LARP1: variants seen among roughly 807,000 people sequenced by gnomAD.
The protein encoded by LARP1 is La ribonucleoprotein 1, translational regulator, also known as la-related protein 1.
A neutral mutation model predicts 122.7 loss-of-function variants in LARP1; 36 were observed. That is an observed-to-expected ratio of 0.29 (90% CI 0.22 to 0.39). The LOEUF (loss-of-function observed/expected upper bound fraction) is 0.39. Ranked by LOEUF, LARP1 falls within the 10% of genes least tolerant of loss-of-function variation. The pLI is 1.00. For synonymous variants in LARP1, 539 were observed against 528.7 expected (o/e 1.02, Z -0.27); for missense variants, 1,040 against 1,403.6 (o/e 0.74, Z 4.14).
rs749838824 is a variant in LARP1, at chr5:154,814,614, A to C, written c.*518A>C. On this transcript the variant is annotated 3_prime_UTR_variant, in exon 19 of 19. Transcript: ENST00000518297. ...CCCCAGGAGCATCAGCCCCTTGATCATCTGGGGTTTGTCATCACCATATTT... is the reference window on the plus strand; with the variant it reads ...CCCCAGGAGCATCAGCCCCTTGATCCTCTGGGGTTTGTCATCACCATATTT... The C allele has an allele frequency of 6.6e-6, 1 of 152,586 alleles. No individual in the cohort carries two copies. The highest frequency in any genetic ancestry group is 2.1e-4 in the South Asian group (1 of 4,816). 9.5% of individuals were successfully genotyped at this position (152,586 alleles called of 1,614,324 possible). A position where few individuals can be genotyped will look rare whatever the true frequency, so the allele number is the denominator to read the frequency against.
At chr5:154,766,449 TA>T (rs1329184430) in intron 1 of LARP1, among the ~76,000 whole-genome samples, 1 of 152,230 alleles carries the variant, frequency 6.6e-6, no homozygotes. Context: ...TGTCATCACT[TA>T]GGGGTAGAGA....
chr5:154,754,403 C>T (rs1753668446), upstream of LARP1, among the ~76,000 whole-genome samples: 1 of 152,156 alleles, frequency 6.6e-6, no homozygotes, highest in Non-Finnish European at 1.5e-5. Flanking sequence ...GAAACTGAGG[C>T]CCACGAAGCT....
Position 154,794,196 on chromosome 5 carries a change from A to T in LARP1, c.1166A>T (p.Asn389Ile). Residue 389 changes from asparagine to isoleucine, a missense_variant, in exon 7 of 19, where the codon AAT becomes ATT. Physicochemically the swap from Asn to Ile is moderately radical, Grantham distance 149. Transcript: ENST00000518297. ...AACAACATCACCTACTACTTTGACA[A>T]TGTCAGCAGCACCGAGCTTTACAGT... is the stretch of plus-strand genomic sequence containing the variant. ...YMNNITYYFD[N>I]VSSTELYSVD... The T allele has an allele frequency of 1.2e-6, 2 of 1,614,168 alleles. No homozygotes were observed.
rs187095311 is a variant in LARP1, at chr5:154,685,135, T to G, written c.-180+2098T>G. Among the ~76,000 whole-genome samples the G allele has an allele frequency of 3.5e-3, 534 of 151,566 alleles. 2 individuals carry two copies. Among genetic ancestry groups the G allele is most frequent in the African/African-American group, 0.012 (486 of 41,272 alleles). On this transcript the variant is annotated intron_variant, in intron 1 of 18. Coordinates refer to the LARP1 transcript ENST00000687700. ...GACGCGCACCTGTAATCCCAGCTAC[T>G]AAGGAGGCTGAGGCAGGAGAATCAC...
At chr5:154,756,781 T>G (rs1011383587) in intron 1 of LARP1, among the ~76,000 whole-genome samples, 2 of 152,056 alleles carry the variant, frequency 1.3e-5, no homozygotes, top group African/African-American at 4.8e-5. Flanking sequence ...AGGGGTCAGT[T>G]GTGGGGAGAA....
chr5:154,729,769 G>A (rs1756444059), intron 1 of LARP1: 1 of 214,600 alleles, frequency 4.7e-6, no homozygotes, highest in South Asian at 7.1e-5. Context: ...TGTATTCCCA[G>A]CACACTATAC....
At chr5:154,725,010 C>A (rs1756113648) in intron 1 of LARP1, among the ~76,000 whole-genome samples, 1 of 152,164 alleles carries the variant, frequency 6.6e-6, no homozygotes. Context: ...GCCCTGTTGC[C>A]TCACACCTGT....
intron 8 of LARP1, among the ~76,000 whole-genome samples, chr5:154,795,542 T>C (rs1757680822): frequency 6.6e-6 from 1 of 152,096 alleles, no homozygotes; most frequent in South Asian, 2.1e-4. Context: ...AGTAGTATAA[T>C]GAGCCCATCA....
In LARP1 at chr5:154,814,136, A is replaced by AG; in HGVS notation, c.*43dup. 6.6e-7 allele frequency: 1 copy of AG among 1,521,044 alleles called. No individual in the cohort carries two copies. Among genetic ancestry groups the AG allele is most frequent in the Non-Finnish European group, 9.0e-7 (1 of 1,105,778 alleles). 94.2% of individuals were successfully genotyped at this position (1,521,044 alleles called of 1,614,324 possible). A position where few individuals can be genotyped will look rare whatever the true frequency, so the allele number is the denominator to read the frequency against. ...CTGGGGCTTGAGGGGGGAAAGGGGTAGGGTGGGTAAGAGTCCATGGGGGTG... is the reference window on the plus strand; with the variant it reads ...CTGGGGCTTGAGGGGGGAAAGGGGTAGGGGTGGGTAAGAGTCCATGGGGGTG... On this transcript the variant is annotated 3_prime_UTR_variant, in exon 19 of 19. Transcript: ENST00000518297.
At chr5:154,683,826 G>A (rs1015405853) in intron 1 of LARP1, among the ~76,000 whole-genome samples, 13 of 152,212 alleles carry the variant, frequency 8.5e-5, no homozygotes, top group African/African-American at 1.2e-4. Context: ...TGAAAAGTGT[G>A]TTCCAGAAAA....
intron 1 of LARP1, among the ~76,000 whole-genome samples, chr5:154,685,324 A>T (rs1170399336): frequency 6.6e-6 from 1 of 151,638 alleles, no homozygotes; most frequent in Non-Finnish European, 1.5e-5. Context: ...CCTACCCCTT[A>T]ATGCTCTCCT....
chr5:154,769,356 G>T (rs1273349817), intron 1 of LARP1, among the ~76,000 whole-genome samples: 2 of 152,174 alleles, frequency 1.3e-5, no homozygotes, highest in Non-Finnish European at 2.9e-5. Context: ...CCAACATGAG[G>T]TCTATGGGCC....
chr5:154,717,828 A>G (rs1379267342), intron 1 of LARP1, among the ~76,000 whole-genome samples: 1 of 152,186 alleles, frequency 6.6e-6, no homozygotes, highest in East Asian at 1.9e-4. Context: ...ACATGAGAGA[A>G]AATGTGTAGC....
chr5:154,690,603 G>C (rs897035169), intron 1 of LARP1, among the ~76,000 whole-genome samples: 2 of 152,212 alleles, frequency 1.3e-5, no homozygotes, highest in African/African-American at 2.4e-5. Flanking sequence ...AGCGAGACCC[G>C]CCACTACCTC....
chr5:154,702,119 G>A (rs1754748815), intron 1 of LARP1, among the ~76,000 whole-genome samples: 1 of 152,150 alleles, frequency 6.6e-6, no homozygotes, highest in Non-Finnish European at 1.5e-5. Flanking sequence ...CTTAATGGGT[G>A]CATGGGCCAA....
chr5:154,722,512 G>T (rs1173245537), intron 1 of LARP1, among the ~76,000 whole-genome samples: 3 of 152,046 alleles, frequency 2.0e-5, no homozygotes, highest in Non-Finnish European at 2.9e-5. Flanking sequence ...GAGACCAGCC[G>T]GTAGCACATG....
Position 154,755,825 on chromosome 5 carries a change from G to T in LARP1, c.68G>T (p.Gly23Val), listed in dbSNP as rs750323415. The T allele has an allele frequency of 3.8e-5, 38 of 1,001,944 alleles. No individual in the cohort carries two copies. The highest frequency in any genetic ancestry group is 1.1e-5 in the Non-Finnish European group (9 of 839,546). The allele number at this position is 1,001,944 out of a possible 1,614,324, so 62.1% of individuals were successfully genotyped here. Residue 23 changes from glycine to valine, a missense_variant, in exon 1 of 19, where the codon GGG becomes GTG. Gly to Val is a moderately radical substitution (Grantham distance 109, BLOSUM62 -3). Around this residue, in one of 8 missense-constraint regions of LARP1, gnomAD observed 257 missense variants for 273.3 expected, o/e 0.94. Coordinates refer to ENST00000518297, the MANE Select transcript of LARP1 (RefSeq NM_033551.3). ...ATLLQAEEHG[G>V]LVRKKPPPAP... is the part of the protein sequence containing the mutation. ...CTCTTGCAGGCCGAAGAGCACGGGG[G>T]GCTGGTGAGGAAGAAGCCGCCGCCG...
At chr5:154,811,415 T>G in intron 17 of LARP1, 59 bp downstream of exon 17, 1 of 1,605,994 alleles carries the variant, frequency 6.2e-7, no homozygotes, top group South Asian at 1.1e-5. Context: ...TCTTCCCCAG[T>G]TGGACCTGGG....
chr5:154,792,948 C>T (rs1757455981), intron 4 of LARP1, 152 bp downstream of exon 4: 1 of 738,966 alleles, frequency 1.4e-6, no homozygotes, highest in Non-Finnish European at 2.2e-6. Context: ...TAGCAGTCTT[C>T]AACCATCTGT....
Sources: allele counts gnomAD v4.1 joint callset (sites outside exome capture counted in the v4.1 genomes callset), GRCh38; gene constraint gnomAD v4.1.1; regional missense constraint gnomAD v4.1.1; transcripts MANE v1.5; gene names NCBI Gene and HGNC (gene_info 2026-07-23, HGNC 2026-07-21).